The following SETD2 variants were observed in gnomAD, a reference collection of about 807,000 sequenced individuals.
The protein encoded by SETD2 is histone-lysine N-methyltransferase SETD2.
In SETD2, 31 loss-of-function variants were observed where a neutral mutation model predicts 242.1. That is an observed-to-expected ratio of 0.13 (90% CI 0.10 to 0.17). The LOEUF is 0.17. Ranked by LOEUF, SETD2 falls within the 10% of genes least tolerant of loss-of-function variation. The pLI, the probability that SETD2 is intolerant of heterozygous loss-of-function variation, is 1.00. For synonymous variants in SETD2, 1,006 were observed against 1,066.5 expected, an observed-to-expected ratio of 0.94 and a Z score of 1.11; for missense variants, 2,481 against 3,046.3, an observed-to-expected ratio of 0.81 and a Z score of 4.37.
intron 1 of SETD2, among the ~76,000 whole-genome samples, chr3:47,157,347 C>T (rs1320062088): frequency 3.3e-5 from 5 of 152,156 alleles, no homozygotes; most frequent in Admixed American, 1.3e-4. Flanking sequence ...AGTTCAGTTA[C>T]AGTGAGCTAT....
In SETD2 at chr3:47,038,937, T is replaced by C. The variant is rs561515829; in HGVS notation, c.7239-1160A>G. On this transcript the variant is annotated intron_variant, in intron 17 of 20. Transcript: ENST00000409792. ...TACAGTCTTCTGCTTTACCACCACA[T>C]CAATCTTCAGTCAACAACATAACAA... Among the ~76,000 whole-genome samples the C allele has an allele frequency of 8.5e-5, 13 of 152,270 alleles. 1 individual carries two copies. In the Middle Eastern group the frequency reaches 0.014, roughly 159 times the overall value.
chr3:47,141,836 T>C (rs1295844163), intron 1 of SETD2, among the ~76,000 whole-genome samples: 4 of 152,212 alleles, frequency 2.6e-5, no homozygotes. Context: ...AGCCATTGTT[T>C]ATTTTCTGGT....
chr3:47,044,555 G>C lies in SETD2; in HGVS notation c.7099-1855C>G, dbSNP rs1037569539. Among the ~76,000 whole-genome samples the C allele has an allele frequency of 9.2e-5, 14 of 152,064 alleles. 1 individual carries two copies. Among genetic ancestry groups the C allele is most frequent in the Admixed American group, 7.9e-4 (12 of 15,268 alleles). On this transcript the variant is annotated intron_variant, in intron 16 of 20. Coordinates refer to ENST00000409792, the MANE Select transcript of SETD2 (RefSeq NM_014159.7). The stretch of plus-strand genomic sequence containing the variant: ...TGCTGCAAGAGCTTTCTCCAGAACT[G>C]TAGGTGTTCTAAAGTGCTGATTTGA...
chr3:47,087,874 C>G (rs201982467), intron 10 of SETD2, among the ~76,000 whole-genome samples: 2 of 151,454 alleles, frequency 1.3e-5, no homozygotes, highest in Admixed American at 6.6e-5. Context: ...GACGCTGAGG[C>G]AGAATTGCTT....
intron 18 of SETD2, among the ~76,000 whole-genome samples, chr3:47,021,913 C>T (rs1164888377): frequency 6.6e-6 from 1 of 152,052 alleles, no homozygotes. Flanking sequence ...CTTTGGGAGG[C>T]GGAGGAGGGC....
At chr3:47,111,079 TAAAAAAAAAAAAAAAAAA>T (rs10672755) in intron 5 of SETD2, among the ~76,000 whole-genome samples, 4 of 78,816 alleles carry the variant, frequency 5.1e-5, no homozygotes, top group East Asian at 4.6e-4. Context: ...GTGGTTCCTT[TAAAAAAAAAAAAAAAAAA>T]AAAAAAAAAA....
intron 1 of SETD2, among the ~76,000 whole-genome samples, chr3:47,154,726 G>A (rs912279407): frequency 6.6e-6 from 1 of 152,152 alleles, no homozygotes; most frequent in East Asian, 1.9e-4. Flanking sequence ...GGGCGCGGTG[G>A]CTCAGGCCTG....
intron 18 of SETD2, among the ~76,000 whole-genome samples, chr3:47,027,551 T>G (rs2038550380): frequency 1.3e-5 from 2 of 151,708 alleles, no homozygotes; most frequent in Non-Finnish European, 2.9e-5. Context: ...CCCTAAAACT[T>G]AAAGTATAAT....
chr3:47,065,813 A>C (rs1055010618), intron 13 of SETD2, among the ~76,000 whole-genome samples: 3 of 152,170 alleles, frequency 2.0e-5, no homozygotes, highest in Non-Finnish European at 4.4e-5. Flanking sequence ...CTAAAAAATA[A>C]ATCAATAAAT....
intron 1 of SETD2, among the ~76,000 whole-genome samples, chr3:47,150,930 A>G (rs1413248137): frequency 4.6e-5 from 7 of 151,912 alleles, no homozygotes; most frequent in African/African-American, 1.7e-4. Flanking sequence ...TAAAAAAAAA[A>G]AAAAAGAAAG....
intron 19 of SETD2, among the ~76,000 whole-genome samples, chr3:47,019,008 GCTA>G (rs1316217134): frequency 6.6e-6 from 1 of 152,174 alleles, no homozygotes; most frequent in Non-Finnish European, 1.5e-5. Flanking sequence ...CACAGCTGTC[GCTA>G]CTTATTTACA....
intron 18 of SETD2, among the ~76,000 whole-genome samples, chr3:47,026,197 T>C (rs1389970235): frequency 1.3e-5 from 2 of 152,034 alleles, no homozygotes; most frequent in Non-Finnish European, 2.9e-5. Flanking sequence ...AACAAACATA[T>C]GAAAAAATGA....
chr3:47,157,006 G>A (rs188201919), intron 1 of SETD2, among the ~76,000 whole-genome samples: 4 of 152,108 alleles, frequency 2.6e-5, no homozygotes, highest in Non-Finnish European at 4.4e-5. Context: ...AGTGGCTCAC[G>A]ACTATAATCC....
chr3:47,068,492 TC>T (rs1236938541), intron 12 of SETD2, among the ~76,000 whole-genome samples: 1 of 123,954 alleles, frequency 8.1e-6, no homozygotes, highest in African/African-American at 3.9e-5. Context: ...AAATACACTA[TC>T]TTTTTTTTTT....
intron 13 of SETD2, chr3:47,064,604 G>T: frequency 2.5e-6 from 1 of 393,240 alleles, no homozygotes. Flanking sequence ...AGGCAGACAA[G>T]TCATTCCATT....
intron 18 of SETD2, among the ~76,000 whole-genome samples, chr3:47,022,419 C>T (rs1311833859): frequency 1.3e-5 from 2 of 150,910 alleles, no homozygotes; most frequent in African/African-American, 2.4e-5. Flanking sequence ...TGGAGAGTTG[C>T]GCGAGCCTAG....
chr3:47,130,415 G>C (rs1367297500), intron 1 of SETD2, among the ~76,000 whole-genome samples: 3 of 152,182 alleles, frequency 2.0e-5, no homozygotes. Context: ...ATTTCCAGGA[G>C]AGTCTTCTTG....
chr3:47,044,497 T>C lies in SETD2; in HGVS notation c.7099-1797A>G, dbSNP rs192024539. Among the ~76,000 whole-genome samples, 68 of 152,150 alleles carry C rather than the reference T, an allele frequency of 4.5e-4. No individual in the cohort carries two copies. The East Asian group carries it at 5.2e-3, about 12-fold the overall frequency. On this transcript the variant is annotated intron_variant, in intron 16 of 20. Transcript: ENST00000409792. ...GTATTTTTAGTCCATCTTCACTAAC[T>C]GTCCTGTCTAAAGTCATCATCAATT...
At chr3:47,045,877 G>A (rs1261472478) in intron 16 of SETD2, among the ~76,000 whole-genome samples, 3 of 147,070 alleles carry the variant, frequency 2.0e-5, no homozygotes, top group East Asian at 2.2e-4. Flanking sequence ...CCAGGTTCAC[G>A]CCATTCTCCT....
Sources: gnomAD v4.1 joint callset for allele counts (sites outside exome capture counted in the v4.1 genomes callset) on GRCh38, gnomAD v4.1.1 for gene constraint, MANE v1.5 for transcripts, NCBI Gene and HGNC (gene_info 2026-07-23, HGNC 2026-07-21) for gene names.